KCNT1: variants seen among roughly 807,000 people sequenced by gnomAD.
The protein encoded by KCNT1 is potassium channel subfamily T member 1.
KCNT1 carries 78 observed loss-of-function variants against 147.8 expected under a neutral mutation model. The ratio of observed to expected loss-of-function variants is 0.53; its 90% confidence interval spans 0.44 to 0.64. The LOEUF (loss-of-function observed/expected upper bound fraction) is 0.64, where lower values mean the gene tolerates loss of function less well. Among genes scored for constraint, KCNT1 ranks in the 30% least tolerant of loss-of-function variants. The pLI is 0.00. For missense variants in KCNT1, 1,419 were observed against 1,750.3 expected (o/e 0.81, Z 3.38); for synonymous variants, 867 against 748.8 (o/e 1.16, Z -2.58).
intron 2 of KCNT1, among the ~76,000 whole-genome samples, chr9:135,727,049 CTCCCTCTCTCCCTCTG>C (rs1836203981): frequency 1.8e-5 from 1 of 57,050 alleles, no homozygotes; most frequent in African/African-American, 7.0e-5. Flanking sequence ...CTCTCTCTCT[CTCCCTCTCTCCCTCTG>C]TTTCCCATTC....
At chr9:135,785,367 A>G in intron 28 of KCNT1, 37 bp downstream of exon 28, 2 of 1,612,530 alleles carry the variant, frequency 1.2e-6, no homozygotes. Context: ...GCTTCTGCGG[A>G]GCACCAGAAC....
At chr9:135,725,892 G>T (rs1295334360) in intron 2 of KCNT1, among the ~76,000 whole-genome samples, 1 of 143,762 alleles carries the variant, frequency 7.0e-6, no homozygotes, top group Non-Finnish European at 1.5e-5. Flanking sequence ...CCTCCCACCC[G>T]CCCTGGGAGC....
intron 13 of KCNT1, among the ~76,000 whole-genome samples, chr9:135,766,354 TG>T (rs1274911520): frequency 7.0e-6 from 1 of 143,556 alleles, no homozygotes; most frequent in Admixed American, 6.9e-5. Context: ...CCATCTGGGA[TG>T]GATCTCTAGG....
In KCNT1 at chr9:135,787,388, G is replaced by A. The variant is rs117875632; in HGVS notation, c.3502+867G>A. 3.2e-3 allele frequency among the ~76,000 whole-genome samples: 489 copies of A among 152,242 alleles called. 7 individuals carry two copies. The highest frequency in any genetic ancestry group is 0.03 in the East Asian group (155 of 5,152). On this transcript the variant is annotated intron_variant, in intron 29 of 30. Coordinates refer to ENST00000371757, the MANE Select transcript of KCNT1 (RefSeq NM_020822.3). ...GGCCCCAGCTCCCCAGCACCGGGCC[G>A]CTACCCAGTGACACCCACCCCTGAG...
Position 135,759,799 on chromosome 9 carries a change from G to C in KCNT1, c.975G>C (p.Trp325Cys), listed in dbSNP as rs1337774279. ...ACGGTGACGTCACGCCCAAGATCTG[G>C]CCATCGCAGCTGCTGGTGGTCATCA... The part of the protein sequence containing the change: ...VGYGDVTPKI[W>C]PSQLLVVIMI... The change falls in exon 11 of 31, where the codon TGG becomes TGC. Residue 325 changes from tryptophan (W) to cysteine (C), a missense_variant. By Grantham distance (215) the Trp-to-Cys change is radical. Coordinates refer to ENST00000371757, the MANE Select transcript of KCNT1 (RefSeq NM_020822.3). 6.2e-7 allele frequency: 1 copy of C among 1,613,394 alleles called. No individual in the cohort carries two copies. The highest frequency in any genetic ancestry group is 8.5e-7 in the Non-Finnish European group (1 of 1,179,810).
intron 5 of KCNT1, 109 bp downstream of exon 5, chr9:135,754,102 TG>T (rs1357013265): frequency 9.9e-7 from 1 of 1,011,776 alleles, no homozygotes; most frequent in Non-Finnish European, 1.5e-6. Context: ...CTCAGAGGCC[TG>T]GGACCAGGGT....
rs370800291 is a variant in KCNT1 at position 135,777,470 on chromosome 9, C to T, written c.2482C>T (p.Arg828Cys). ...IVPLRAYYRS[R>C]KELNPIVLLL... ...GCCACTGCGGGCCTACTACAGATCC[C>T]GCAAGGAGCTGAACCCCATCGTGCT... The change falls in exon 21 of 31, where the codon CGC (arginine) becomes TGC (cysteine). Residue 828 changes from arginine to cysteine, a missense_variant. Around this residue, in one of 5 missense-constraint regions of KCNT1, gnomAD observed 247 missense variants for 397.1 expected, o/e 0.62. Coordinates refer to ENST00000371757, the MANE Select transcript of KCNT1 (RefSeq NM_020822.3). 42 of 1,614,012 alleles carry T rather than the reference C, an allele frequency of 2.6e-5. No individual in the cohort carries two copies. Among genetic ancestry groups the T allele is most frequent in the African/African-American group, 1.2e-4 (9 of 75,018 alleles).
chr9:135,768,364 T>G (rs1327416965), intron 13 of KCNT1: 72 of 138,608 alleles, frequency 5.2e-4, no homozygotes, highest in South Asian at 2.3e-3. Flanking sequence ...GGGGGCAGTA[T>G]GGGGATGCCC....
At chr9:135,731,991 T>TATATATATATACAG in intron 2 of KCNT1, among the ~76,000 whole-genome samples, 1 of 21,756 alleles carries the variant, frequency 4.6e-5, no homozygotes, top group Non-Finnish European at 8.4e-5. Context: ...TATATATATA[T>TATATATATATACAG]AGAGAGAGAG....
intron 24 of KCNT1, among the ~76,000 whole-genome samples, chr9:135,781,355 G>A (rs377534076): frequency 1.3e-5 from 2 of 152,128 alleles, no homozygotes; most frequent in Non-Finnish European, 1.5e-5. Context: ...AGGGAGGAGA[G>A]GGTGCCGTGG....
chr9:135,767,423 AGCGTCTCAGCAGTGCTAGGTGGTTTCT>A (rs995906161), intron 13 of KCNT1, among the ~76,000 whole-genome samples: 3 of 105,362 alleles, frequency 2.8e-5, no homozygotes, highest in African/African-American at 4.1e-5. Flanking sequence ...TTTCTTAGAC[AGCGTCTCAGCAGTGCTAGGTGGTTTCT>A]GCAGCTGGGC....
At chr9:135,712,393 T>C (rs1442535752) in intron 1 of KCNT1, among the ~76,000 whole-genome samples, 1 of 152,146 alleles carries the variant, frequency 6.6e-6, no homozygotes, top group Non-Finnish European at 1.5e-5. Flanking sequence ...CTAGATTTCC[T>C]CCAGGGCCCC....
At position 135,777,424 on chromosome 9, in the gene KCNT1, T is replaced by G. The variant is rs758942308; in HGVS notation, c.2436T>G (p.Asn812Lys). 6.2e-7 allele frequency: 1 copy of G among 1,613,882 alleles called. No individual in the cohort carries two copies. The highest frequency in any genetic ancestry group is 1.1e-5 in the South Asian group (1 of 91,088). Residue 812 changes from asparagine to lysine, a missense_variant, in exon 21 of 31, where the codon AAT becomes AAG. Transcript: ENST00000371757. ...LIIVSAETAGNGLYNFIVPLR... is the reference protein window; with the variant it reads ...LIIVSAETAGKGLYNFIVPLR... ...TCGTCTCGGCAGAGACGGCCGGCAA[T>G]GGGCTGTACAACTTCATCGTGCCAC...
At chr9:135,769,461 C>T (rs1055619058) in intron 15 of KCNT1, among the ~76,000 whole-genome samples, 2 of 152,162 alleles carry the variant, frequency 1.3e-5, no homozygotes, top group Non-Finnish European at 2.9e-5. Context: ...TCACCGCATC[C>T]GAGAAGGGAC....
chr9:135,714,476 CCGCGGGCTGCGCTG>C lies in KCNT1; in HGVS notation c.111-93_111-80del, dbSNP rs2131328896. On this transcript the variant is annotated intron_variant, in intron 1 of 30. Transcript: ENST00000371757. This position sits in a 1 kb window ranked among gnomAD's most constrained non-coding sequence, Gnocchi z 6.2. The stretch of plus-strand genomic sequence containing the variant: ...CCGCCCGCCCGGTGGGTCGCGGTGG[CCGCGGGCTGCGCTG>C]CGCGGGCCGGGCCTGGCGGGCCGGG... 2.4e-6 allele frequency: 2 copies of C among 836,492 alleles called. No homozygotes were observed. The highest frequency in any genetic ancestry group is 5.3e-5 in the South Asian group (1 of 18,732). 51.8% of individuals were successfully genotyped at this position (836,492 alleles called of 1,614,324 possible).
chr9:135,757,735 C>T (rs1831590928), intron 9 of KCNT1, among the ~76,000 whole-genome samples: 1 of 152,152 alleles, frequency 6.6e-6, no homozygotes, highest in Non-Finnish European at 1.5e-5. Flanking sequence ...GGGCCACAGG[C>T]AGGCCCTGTG....
intron 28 of KCNT1, chr9:135,785,683 C>A: frequency 1.9e-6 from 1 of 527,764 alleles, no homozygotes; most frequent in Non-Finnish European, 3.4e-6. Context: ...AGGTGCCACC[C>A]AGGTGGGATG....
intron 21 of KCNT1, 155 bp from the exon 22 acceptor site, chr9:135,778,269 C>A: frequency 1.6e-6 from 1 of 642,612 alleles, no homozygotes; most frequent in Non-Finnish European, 2.7e-6. Flanking sequence ...AAGAATGGCC[C>A]ACTGGCCTTA....
chr9:135,734,719 G>A (rs746628633), intron 2 of KCNT1, among the ~76,000 whole-genome samples: 35 of 152,178 alleles, frequency 2.3e-4, no homozygotes, highest in Admixed American at 9.2e-4. Flanking sequence ...GGGCGCGCGC[G>A]TTTGCCTCCT....
Sources: gnomAD v4.1 joint callset for allele counts (sites outside exome capture counted in the v4.1 genomes callset) on GRCh38, gnomAD v4.1.1 for gene constraint, gnomAD v4.1.1 regional missense constraint, Gnocchi (gnomAD v3.1) non-coding constraint, MANE v1.5 for transcripts, NCBI Gene and HGNC (gene_info 2026-07-23, HGNC 2026-07-21) for gene names.